SEL1L: variants seen among roughly 807,000 people sequenced by gnomAD.
The protein encoded by SEL1L is SEL1L adaptor subunit of SYVN1 ubiquitin ligase, also known as protein sel-1 homolog 1.
A neutral mutation model predicts 109.8 loss-of-function variants in SEL1L; 52 were observed. The ratio of observed to expected loss-of-function variants is 0.47; its 90% CI spans 0.38 to 0.60. The LOEUF is 0.60. Among genes scored for constraint, SEL1L ranks in the 20% least tolerant of loss-of-function variants. The pLI is 0.00. For missense variants in SEL1L, 749 were observed against 962.2 expected, an observed-to-expected ratio of 0.78 and a Z score of 2.93; for synonymous variants, 373 against 339.6, an observed-to-expected ratio of 1.10 and a Z score of -1.08.
In SEL1L at chr14:81,484,239, G is replaced by A. The variant is rs762989802; in HGVS notation, c.2032C>T (p.Leu678=). Residue 678 remains leucine (L), a synonymous_variant, in exon 19 of 21, where the codon CTG becomes TTG. Coordinates refer to ENST00000336735, the MANE Select transcript of SEL1L (RefSeq NM_005065.6). ...FNLGYMHEKG[L]GIKQDIHLAK... is the part of the protein sequence containing the mutation. ...GCCACACTCACCTGTTTAATGCCCA[G>A]TCCTTTCTCATGCATATATCCCAGA... 4 of 1,611,490 alleles carry A rather than the reference G, an allele frequency of 2.5e-6. No homozygotes were observed. Among genetic ancestry groups the A allele is most frequent in the Admixed American group, 3.3e-5 (2 of 60,008 alleles).
At chr14:81,485,967 T>C (rs535044615) in intron 17 of SEL1L, among the ~76,000 whole-genome samples, 8 of 152,220 alleles carry the variant, frequency 5.3e-5, no homozygotes, top group Non-Finnish European at 8.8e-5. Context: ...GTTGTATCTA[T>C]AGAACCAGTC....
At chr14:81,491,664 C>A (rs986791874) in intron 12 of SEL1L, among the ~76,000 whole-genome samples, 6 of 152,108 alleles carry the variant, frequency 3.9e-5, no homozygotes, top group African/African-American at 1.4e-4. Flanking sequence ...TGAAAATACC[C>A]ATTGATTTAT....
intron 19 of SEL1L, among the ~76,000 whole-genome samples, chr14:81,482,035 A>C (rs1030282738): frequency 9.8e-5 from 14 of 142,622 alleles, no homozygotes; most frequent in African/African-American, 3.7e-4. Flanking sequence ...CATCTCACCG[A>C]AAAAAAAAAA....
chr14:81,472,648 G>C lies in SEL1L; in HGVS notation c.*4324C>G, dbSNP rs759061748. On this transcript the variant is annotated 3_prime_UTR_variant, in exon 21 of 21. Transcript: ENST00000336735. Reference sequence around the variant, plus strand: ...TTATAATCAGGCTAAAGTGAATCACGCTTACTACATATCAAGGCTGCTTCA... The same window carrying C: ...TTATAATCAGGCTAAAGTGAATCACCCTTACTACATATCAAGGCTGCTTCA... The C allele has an allele frequency of 7.0e-6, 3 of 427,872 alleles. No homozygotes were observed. Among genetic ancestry groups the C allele is most frequent in the Middle Eastern group, 3.5e-4 (1 of 2,850 alleles). The allele number at this position is 427,872 out of a possible 1,614,324, so 26.5% of individuals were successfully genotyped here.
intron 10 of SEL1L, among the ~76,000 whole-genome samples, chr14:81,496,154 T>C (rs1393500454): frequency 6.6e-6 from 1 of 151,700 alleles, no homozygotes; most frequent in Admixed American, 6.6e-5. Context: ...AAACCCTGTC[T>C]CTACTAAAAA....
At chr14:81,491,185 T>C (rs1435185893) in intron 12 of SEL1L, among the ~76,000 whole-genome samples, 1 of 152,196 alleles carries the variant, frequency 6.6e-6, no homozygotes, top group Non-Finnish European at 1.5e-5. Flanking sequence ...TTCATTCTTC[T>C]TTCTCCTCTA....
intron 18 of SEL1L, 45 bp from the exon 19 acceptor site, chr14:81,484,442 T>C (rs1377563612): frequency 6.6e-7 from 1 of 1,522,580 alleles, no homozygotes; most frequent in Non-Finnish European, 8.9e-7. Context: ...ATAAAGTATG[T>C]TTAAAACAGA....
At chr14:81,509,214 A>G (rs1036972692) in intron 3 of SEL1L, among the ~76,000 whole-genome samples, 7 of 152,220 alleles carry the variant, frequency 4.6e-5, no homozygotes, top group African/African-American at 1.7e-4. Context: ...ACTCCTCACA[A>G]TAGTCTTAAT....
At chr14:81,512,830 T>C (rs767754050) in intron 3 of SEL1L, among the ~76,000 whole-genome samples, 19 of 152,242 alleles carry the variant, frequency 1.2e-4, no homozygotes, top group Admixed American at 5.2e-4. Flanking sequence ...AATTATTCAT[T>C]CATGATCAAC....
At chr14:81,497,391 G>A (rs896584859) in intron 10 of SEL1L, among the ~76,000 whole-genome samples, 7 of 152,160 alleles carry the variant, frequency 4.6e-5, no homozygotes, top group Non-Finnish European at 1.0e-4. Context: ...GTACTTTGAC[G>A]GACATTATAC....
intron 20 of SEL1L, among the ~76,000 whole-genome samples, chr14:81,477,494 A>T (rs1311071745): frequency 6.6e-6 from 1 of 152,104 alleles, no homozygotes; most frequent in Non-Finnish European, 1.5e-5. Context: ...TTCACAGAAA[A>T]TATTTGGAAA....
chr14:81,494,615 C>A (rs1413400057), intron 11 of SEL1L, among the ~76,000 whole-genome samples: 2 of 152,204 alleles, frequency 1.3e-5, no homozygotes, highest in Non-Finnish European at 2.9e-5. Context: ...TGGGCCTATG[C>A]ACATACCGTT....
intron 3 of SEL1L, among the ~76,000 whole-genome samples, chr14:81,525,862 T>C (rs1885090749): frequency 6.6e-6 from 1 of 152,210 alleles, no homozygotes; most frequent in Admixed American, 6.5e-5. Context: ...TGACCCAATT[T>C]ACTTTTCTTA....
intron 3 of SEL1L, among the ~76,000 whole-genome samples, chr14:81,507,911 T>G (rs149260481): frequency 6.6e-6 from 1 of 152,342 alleles, no homozygotes; most frequent in East Asian, 1.9e-4. Context: ...ATCCTACCAC[T>G]TATTAGCTGT....
At chr14:81,506,306 C>T in intron 3 of SEL1L, 65 bp from the exon 4 acceptor site, 2 of 1,377,450 alleles carry the variant, frequency 1.5e-6, no homozygotes, top group Non-Finnish European at 1.9e-6. Context: ...GGATTCAATG[C>T]CATCAATTTT....
chr14:81,484,390 A>G lies in SEL1L; in HGVS notation c.1881T>C (p.Thr627=). 1 of 1,610,496 alleles carries G rather than the reference A, an allele frequency of 6.2e-7. No homozygotes were observed. The highest frequency in any genetic ancestry group is 1.1e-5 in the South Asian group (1 of 90,934). Residue 627 remains threonine (T), a synonymous_variant, in exon 19 of 21, where the codon ACT becomes ACC. Transcript: ENST00000336735. ...HWNRAASQGY[T]VARIKLGDYH... ...AGTCTCCGAGCTTAATTCTAGCCAC[A>G]GTATAGCCTTAAACAAAAGTTAAAT...
intron 20 of SEL1L, 121 bp from the exon 21 acceptor site, chr14:81,477,302 A>AGTGTGTGT (rs1566968635): frequency 6.9e-5 from 28 of 403,914 alleles, no homozygotes; most frequent in African/African-American, 1.8e-4. Context: ...AACGTTTTGC[A>AGTGTGTGT]ATGTGTGTGT....
chr14:81,477,630 C>T lies in SEL1L; in HGVS notation c.2176-449G>A, dbSNP rs758679118. ...GAGTTCAAGACCAGCCTGGCCAACACGGTGAAATCCCATCTCTACTAAAAA... is the reference window on the plus strand; with the variant it reads ...GAGTTCAAGACCAGCCTGGCCAACATGGTGAAATCCCATCTCTACTAAAAA... On this transcript the variant is annotated intron_variant, in intron 20 of 20. Coordinates refer to ENST00000336735, the MANE Select transcript of SEL1L (RefSeq NM_005065.6). Among the ~76,000 whole-genome samples the T allele has an allele frequency of 2.0e-5, 3 of 151,986 alleles. No individual in the cohort carries two copies. In the East Asian group the frequency reaches 5.8e-4, roughly 29 times the overall value.
chr14:81,487,804 C>T, intron 15 of SEL1L, 51 bp downstream of exon 15: 4 of 1,604,978 alleles, frequency 2.5e-6, no homozygotes, highest in Non-Finnish European at 3.4e-6. Flanking sequence ...TAGTAGAAAA[C>T]AGCTTAATTT....
Sources: allele counts gnomAD v4.1 joint callset (sites outside exome capture counted in the v4.1 genomes callset), GRCh38; gene constraint gnomAD v4.1.1; transcripts MANE v1.5; gene names NCBI Gene and HGNC (gene_info 2026-07-23, HGNC 2026-07-21).